The following ELL variants were observed in gnomAD, a reference collection of about 807,000 sequenced individuals.
ELL encodes the protein RNA polymerase II elongation factor ELL.
Under a neutral mutation model 64.0 loss-of-function variants are expected in ELL, and 18 were observed. The ratio of observed to expected loss-of-function variants is 0.28; its 90% CI spans 0.19 to 0.42. The LOEUF (loss-of-function observed/expected upper bound fraction) is 0.42. Among genes scored for constraint, ELL ranks in the 10% least tolerant of loss-of-function variants. ELL has a pLI of 1.00. For synonymous variants in ELL, 399 were observed against 376.2 expected (o/e 1.06, Z -0.70); for missense variants, 797 against 870.4 (o/e 0.92, Z 1.06).
chr19:18,455,667 G>GA (rs1974654734), intron 6 of ELL, among the ~76,000 whole-genome samples: 1 of 151,826 alleles, frequency 6.6e-6, no homozygotes, highest in African/African-American at 2.4e-5. Context: ...AGAACATGGT[G>GA]AAACCCCATC....
chr19:18,451,569 A>G lies in ELL; in HGVS notation c.949T>C (p.Ser317Pro). ...ASSPPGERGR[S>P]ASPPQKRLQP... is the part of the protein sequence containing the mutation. ...TCACTTACCTGTGGGGGCGAGGCCG[A>G]GCGCCCACGCTCGCCTGGGGGGCTG... Residue 317 changes from serine (S) to proline (P), a missense_variant, in exon 7 of 12, where the codon TCG becomes CCG. By Grantham distance (74) the Ser-to-Pro change is moderately conservative. Transcript: ENST00000262809. The G allele has an allele frequency of 6.8e-7, 1 of 1,474,314 alleles. No homozygotes were observed. Among genetic ancestry groups the G allele is most frequent in the Non-Finnish European group, 8.9e-7 (1 of 1,118,790 alleles). The allele number at this position is 1,474,314 out of a possible 1,614,324, so 91.3% of individuals were successfully genotyped here.
Position 18,482,123 on chromosome 19 carries a change from G to A in ELL, c.136-9241C>T, listed in dbSNP as rs1975311604. Among the ~76,000 whole-genome samples, 3 of 152,056 alleles carry A rather than the reference G, an allele frequency of 2.0e-5. No homozygotes were observed. In the South Asian group the frequency reaches 6.2e-4, roughly 31 times the overall value. On this transcript the variant is annotated intron_variant, in intron 1 of 11. Transcript: ENST00000262809. The stretch of plus-strand genomic sequence containing the variant: ...TTTCCCTGCTGATTAAGCATGTTGA[G>A]CATCTTTTTACAGGCTAATGTGCCA...
chr19:18,467,942 AACACATAGCGCC>A (rs1974983826), intron 2 of ELL, among the ~76,000 whole-genome samples: 2 of 133,586 alleles, frequency 1.5e-5, no homozygotes, highest in African/African-American at 5.7e-5. Context: ...CACAATACCC[AACACATAGCGCC>A]ACACATACAA....
chr19:18,472,310 G>A (rs1044186606), intron 2 of ELL: 1 of 152,798 alleles, frequency 6.5e-6, no homozygotes, highest in Admixed American at 6.5e-5. Flanking sequence ...GGGAGCCATA[G>A]GGGAGGATGG....
Position 18,451,603 on chromosome 19 carries a change from A to G in ELL, c.915T>C (p.Pro305=). ...GCTCGCCTGGGGGGCTGGAGGCAGC[A>G]GGGTCTCCAAGGAGGCTGCCAGTGC... ...PQSTGSLLGD[P]AASSPPGERG... The change falls in exon 7 of 12, where the codon CCT becomes CCC. Residue 305 remains proline (P), a synonymous_variant. Coordinates refer to ENST00000262809, the MANE Select transcript of ELL (RefSeq NM_006532.4). The G allele has an allele frequency of 6.7e-7, 1 of 1,500,998 alleles. No individual in the cohort carries two copies. 93.0% of individuals were successfully genotyped at this position (1,500,998 alleles called of 1,614,324 possible). A position where few individuals can be genotyped will look rare whatever the true frequency, so the allele number is the denominator to read the frequency against.
intron 4 of ELL, among the ~76,000 whole-genome samples, chr19:18,462,999 TC>T (rs1390380452): frequency 6.6e-6 from 1 of 152,066 alleles, no homozygotes; most frequent in Non-Finnish European, 1.5e-5. Flanking sequence ...AGCACGCTGC[TC>T]CCCTGCTCTG....
chr19:18,507,202 T>G, intron 1 of ELL, among the ~76,000 whole-genome samples: 2 of 152,326 alleles, frequency 1.3e-5, no homozygotes. Context: ...AACACGCTCT[T>G]CTAGCTGCAC....
chr19:18,459,255 C>T (rs1974751229), intron 5 of ELL, among the ~76,000 whole-genome samples: 1 of 152,154 alleles, frequency 6.6e-6, no homozygotes, highest in East Asian at 1.9e-4. Flanking sequence ...CCTCTGGGGC[C>T]ACGTCTGAGC....
intron 2 of ELL, chr19:18,470,933 G>A (rs561140091): frequency 3.7e-5 from 17 of 456,144 alleles, no homozygotes; most frequent in East Asian, 7.0e-5. Context: ...ACAGACACAC[G>A]TCTCCTAGAG....
Position 18,450,790 on chromosome 19 carries a change from C to A in ELL, c.1152G>T (p.Leu384=). The A allele has an allele frequency of 1.3e-6, 2 of 1,581,254 alleles. No homozygotes were observed. The highest frequency in any genetic ancestry group is 8.6e-7 in the Non-Finnish European group (1 of 1,163,594). The part of the protein sequence containing the change: ...STDTLSSSTH[L]PPRLEPPRAH... ...CCCTCGGGGGCTCCAGCCGCGGGGG[C>A]AGGTGAGTGCTGGAGCTGAGGGTGT... is the stretch of plus-strand genomic sequence containing the variant. Residue 384 remains leucine, a synonymous_variant, in exon 8 of 12, where the codon CTG becomes CTT. Coordinates refer to ENST00000262809, the MANE Select transcript of ELL (RefSeq NM_006532.4).
chr19:18,444,615 T>G lies in ELL; in HGVS notation c.*137A>C. The G allele has an allele frequency of 1.1e-6, 1 of 931,098 alleles. No individual in the cohort carries two copies. Among genetic ancestry groups the G allele is most frequent in the Non-Finnish European group, 1.6e-6 (1 of 633,188 alleles). The allele number at this position is 931,098 out of a possible 1,614,324, so 57.7% of individuals were successfully genotyped here. ...TGCAGCCACCCGCCAGGGCCAGACGTCTGCAGGGGCTGCCCTGAAAGCCGG... is the reference window on the plus strand; with the variant it reads ...TGCAGCCACCCGCCAGGGCCAGACGGCTGCAGGGGCTGCCCTGAAAGCCGG... On this transcript the variant is annotated 3_prime_UTR_variant, in exon 12 of 12. Coordinates refer to ENST00000262809, the MANE Select transcript of ELL (RefSeq NM_006532.4).
At chr19:18,506,410 C>T (rs1399023714) in intron 1 of ELL, among the ~76,000 whole-genome samples, 2 of 152,390 alleles carry the variant, frequency 1.3e-5, no homozygotes, top group Non-Finnish European at 2.9e-5. Context: ...AGCTCCTGTG[C>T]CTCTGGGGTG....
chr19:18,483,764 TTCTATG>T (rs1975355289), intron 1 of ELL, among the ~76,000 whole-genome samples: 1 of 152,188 alleles, frequency 6.6e-6, no homozygotes, highest in African/African-American at 2.4e-5. Context: ...GTTACAGTGC[TTCTATG>T]TCCCTGAGCC....
chr19:18,457,504 G>A (rs1974706833), intron 6 of ELL, among the ~76,000 whole-genome samples: 1 of 152,226 alleles, frequency 6.6e-6, no homozygotes, highest in African/African-American at 2.4e-5. Context: ...CTGCTTTCCA[G>A]AGGCAATTAC....
intron 1 of ELL, among the ~76,000 whole-genome samples, chr19:18,497,815 CAAAAAA>C (rs58521941): frequency 1.9e-3 from 102 of 54,214 alleles, no homozygotes; most frequent in Non-Finnish European, 2.4e-3. Flanking sequence ...GATCTCATCT[CAAAAAA>C]AAAAAAAAAA....
intron 1 of ELL, among the ~76,000 whole-genome samples, chr19:18,507,238 C>T (rs1336774584): frequency 6.6e-6 from 1 of 152,266 alleles, no homozygotes; most frequent in Non-Finnish European, 1.5e-5. Flanking sequence ...AGATACCTCC[C>T]TGCACAGTCT....
At chr19:18,466,070 G>T in intron 2 of ELL, 152 bp from the exon 3 acceptor site, 2 of 767,066 alleles carry the variant, frequency 2.6e-6, no homozygotes, top group Non-Finnish European at 3.5e-6. Flanking sequence ...TTCAGCCAGT[G>T]ACGGGACAGG....
rs2144877710 is a variant in ELL, at chr19:18,442,723, A to G, written c.*2029T>C. ...GTCAGCATTCACCTGTTTAGTGTAC[A>G]AAAAGGACACTAGATCTTTTAAGAA... is the stretch of plus-strand genomic sequence containing the variant. On this transcript the variant is annotated 3_prime_UTR_variant, in exon 12 of 12. Coordinates refer to ENST00000262809, the MANE Select transcript of ELL (RefSeq NM_006532.4). 1 of 197,648 alleles carries G rather than the reference A, an allele frequency of 5.1e-6. No homozygotes were observed. Among genetic ancestry groups the G allele is most frequent in the South Asian group, 1.9e-4 (1 of 5,210 alleles). The allele number at this position is 197,648 out of a possible 1,614,324, so 12.2% of individuals were successfully genotyped here.
rs1411025121 is a variant in ELL at position 18,506,469 on chromosome 19, G to A, written c.135+15452C>T. Among the ~76,000 whole-genome samples, 8 of 152,270 alleles carry A rather than the reference G, an allele frequency of 5.3e-5. No homozygotes were observed. The East Asian group carries it at 1.3e-3, about 26-fold the overall frequency. The stretch of plus-strand genomic sequence containing the variant: ...CGGCTGGGTGCCATGGCTCACGCCT[G>A]TAAGCCCAGCACATTGGGAGGCCAA... On this transcript the variant is annotated intron_variant, in intron 1 of 11. Transcript: ENST00000262809.
Sources: gnomAD v4.1 joint callset for allele counts (sites outside exome capture counted in the v4.1 genomes callset) on GRCh38, gnomAD v4.1.1 for gene constraint, MANE v1.5 for transcripts, NCBI Gene and HGNC (gene_info 2026-07-23, HGNC 2026-07-21) for gene names.